CALCR: variants seen among roughly 807,000 people sequenced by gnomAD.
CALCR encodes calcitonin receptor.
Under a neutral mutation model 59.5 loss-of-function variants are expected in CALCR, and 47 were observed. The ratio of observed to expected loss-of-function variants is 0.79; its 90% confidence interval spans 0.63 to 1.01. CALCR has a LOEUF of 1.01. Ranked by LOEUF, CALCR falls within the 50% of genes least tolerant of loss-of-function variation. The pLI is 0.00. For missense variants in CALCR, 566 were observed against 597.1 expected, an observed-to-expected ratio of 0.95 and a Z score of 0.54; for synonymous variants, 213 against 211.3, an observed-to-expected ratio of 1.01 and a Z score of -0.07.
At chr7:93,551,312 A>T (rs1167051623) in intron 2 of CALCR, among the ~76,000 whole-genome samples, 1 of 152,216 alleles carries the variant, frequency 6.6e-6, no homozygotes, top group Non-Finnish European at 1.5e-5. Flanking sequence ...CGTGTATTTC[A>T]TCAGGGAGGG....
intron 2 of CALCR, among the ~76,000 whole-genome samples, chr7:93,572,901 T>A (rs1487070016): frequency 6.6e-6 from 1 of 152,212 alleles, no homozygotes; most frequent in Non-Finnish European, 1.5e-5. Flanking sequence ...CTTAGAACAT[T>A]TTATAATATG....
At chr7:93,484,148 CCTGCTCT>C (rs1800869864) in intron 3 of CALCR, 1 of 291,266 alleles carries the variant, frequency 3.4e-6, no homozygotes, top group Non-Finnish European at 7.7e-6. Context: ...TGGCAAGCCA[CCTGCTCT>C]CATAGAGCTT....
chr7:93,539,872 T>C (rs1418352887), intron 2 of CALCR, among the ~76,000 whole-genome samples: 2 of 152,122 alleles, frequency 1.3e-5, no homozygotes, highest in African/African-American at 4.8e-5. Flanking sequence ...AGAACCCACA[T>C]CAAAGTAGGG....
chr7:93,482,347 C>T (rs1041434628), intron 3 of CALCR, among the ~76,000 whole-genome samples: 4 of 151,766 alleles, frequency 2.6e-5, no homozygotes, highest in African/African-American at 9.7e-5. Flanking sequence ...CTAAAATCTT[C>T]AGTTAATATG....
intron 2 of CALCR, among the ~76,000 whole-genome samples, chr7:93,566,505 C>A (rs1424446526): frequency 2.0e-5 from 3 of 152,076 alleles, no homozygotes; most frequent in Non-Finnish European, 4.4e-5. Flanking sequence ...AATTAATATA[C>A]CAATTATATT....
chr7:93,549,175 T>A (rs1789383375), intron 2 of CALCR, among the ~76,000 whole-genome samples: 1 of 152,156 alleles, frequency 6.6e-6, no homozygotes, highest in Non-Finnish European at 1.5e-5. Flanking sequence ...TTCTCATGTT[T>A]ACAGTGGAGG....
chr7:93,485,904 T>C (rs1211100431), intron 3 of CALCR, among the ~76,000 whole-genome samples: 1 of 151,700 alleles, frequency 6.6e-6, no homozygotes, highest in Non-Finnish European at 1.5e-5. Flanking sequence ...CCATACACCA[T>C]TTATTTGATG....
chr7:93,443,738 T>C lies in CALCR; in HGVS notation c.668A>G (p.His223Arg). 1 of 1,612,834 alleles carries C rather than the reference T, an allele frequency of 6.2e-7. No individual in the cohort carries two copies. Among genetic ancestry groups the C allele is most frequent in the Non-Finnish European group, 8.5e-7 (1 of 1,179,282 alleles). Residue 223 changes from histidine (H) to arginine (R), a missense_variant, in exon 9 of 14, where the codon CAT becomes CGT. His to Arg is a conservative substitution (Grantham distance 29). Coordinates refer to ENST00000426151, the MANE Select transcript of CALCR (RefSeq NM_001742.4). ...GGCCATCATGTACTGGTGGAAAAAA[T>C]GCAAAATCTTGCAGCTCACCTGTCA... ...RRDPVSCKILHFFHQYMMACN... is the reference protein window; with the variant it reads ...RRDPVSCKILRFFHQYMMACN...
chr7:93,541,117 G>T (rs978457772), intron 2 of CALCR, among the ~76,000 whole-genome samples: 7 of 152,122 alleles, frequency 4.6e-5, no homozygotes, highest in African/African-American at 1.7e-4. Context: ...ATACAAATTG[G>T]ATTATAAATC....
At chr7:93,522,967 G>A (rs1801795902) in intron 2 of CALCR, among the ~76,000 whole-genome samples, 1 of 151,978 alleles carries the variant, frequency 6.6e-6, no homozygotes, top group Non-Finnish European at 1.5e-5. Flanking sequence ...TTGAAAATAG[G>A]TTAGGAAAAT....
chr7:93,537,437 G>C (rs1431282183), intron 2 of CALCR, among the ~76,000 whole-genome samples: 2 of 151,610 alleles, frequency 1.3e-5, no homozygotes, highest in African/African-American at 2.4e-5. Flanking sequence ...GATGTCTCCC[G>C]ATGTTATTTT....
chr7:93,518,977 T>C (rs1274531068), intron 2 of CALCR, among the ~76,000 whole-genome samples: 1 of 151,972 alleles, frequency 6.6e-6, no homozygotes, highest in African/African-American at 2.4e-5. Context: ...TCTAAATCTT[T>C]TGTATTATTT....
At chr7:93,480,819 G>T (rs146528449) in intron 3 of CALCR, among the ~76,000 whole-genome samples, 2 of 151,784 alleles carry the variant, frequency 1.3e-5, no homozygotes, top group African/African-American at 2.4e-5. Context: ...TAGGCACAAG[G>T]GGGGGTCGAG....
At chr7:93,549,554 T>C (rs1044594191) in intron 2 of CALCR, among the ~76,000 whole-genome samples, 25 of 152,178 alleles carry the variant, frequency 1.6e-4, no homozygotes, top group Admixed American at 9.8e-4. Context: ...TTATTTTCCA[T>C]AGAAAGTTTT....
chr7:93,514,735 A>T (rs1232669020), intron 2 of CALCR, among the ~76,000 whole-genome samples: 1 of 151,982 alleles, frequency 6.6e-6, no homozygotes, highest in East Asian at 1.9e-4. Context: ...GTACTATGTC[A>T]TTTTCCCAAT....
chr7:93,435,907 T>C, intron 12 of CALCR, 45 bp downstream of exon 12: 1 of 1,014,724 alleles, frequency 9.9e-7, no homozygotes, highest in Non-Finnish European at 1.5e-6. Context: ...ATCAGCTAGC[T>C]GAATAAGCAC....
chr7:93,468,936 C>T (rs1800496094), intron 6 of CALCR, 130 bp from the exon 7 acceptor site: 5 of 466,140 alleles, frequency 1.1e-5, no homozygotes, highest in Non-Finnish European at 1.5e-5. Flanking sequence ...ACAATTATAA[C>T]AAATATTTCA....
In CALCR at chr7:93,435,935, AC is replaced by A; in HGVS notation, c.1149+16del. On this transcript the variant is annotated intron_variant, in intron 12 of 13. Coordinates refer to ENST00000426151, the MANE Select transcript of CALCR (RefSeq NM_001742.4). ...ATAAGCACAGTAGTTGAATAAATAC[AC>A]CTTTGGCTTCCTTACCTGGAAATGA... 1 of 1,472,198 alleles carries A rather than the reference AC, an allele frequency of 6.8e-7. No homozygotes were observed. The highest frequency in any genetic ancestry group is 9.5e-7 in the Non-Finnish European group (1 of 1,050,910). The allele number at this position is 1,472,198 out of a possible 1,614,324, so 91.2% of individuals were successfully genotyped here.
At chr7:93,480,443 T>A (rs941203963) in intron 3 of CALCR, among the ~76,000 whole-genome samples, 2 of 151,866 alleles carry the variant, frequency 1.3e-5, no homozygotes, top group African/African-American at 2.4e-5. Flanking sequence ...TTTTTCTAAA[T>A]TTAGGAATGC....
Sources: allele counts gnomAD v4.1 joint callset (sites outside exome capture counted in the v4.1 genomes callset), GRCh38; gene constraint gnomAD v4.1.1; transcripts MANE v1.5; gene names NCBI Gene and HGNC (gene_info 2026-07-23, HGNC 2026-07-21).